KLHL1: variants seen among roughly 807,000 people sequenced by gnomAD.
The protein encoded by KLHL1 is kelch like family member 1.
KLHL1 carries 47 observed loss-of-function variants against 77.7 expected under a neutral mutation model. That is an observed-to-expected ratio of 0.60 (90% confidence interval 0.48 to 0.77). The LOEUF is 0.77. Among genes scored for constraint, KLHL1 ranks in the 30% least tolerant of loss-of-function variants. The pLI, the probability that KLHL1 is intolerant of heterozygous loss-of-function variation, is 0.00. For missense variants in KLHL1, 925 were observed against 910.8 expected, an observed-to-expected ratio of 1.02 and a Z score of -0.20; for synonymous variants, 360 against 325.2, an observed-to-expected ratio of 1.11 and a Z score of -1.15.
chr13:69,985,464 G>C (rs1224643174), intron 1 of KLHL1, among the ~76,000 whole-genome samples: 1 of 151,724 alleles, frequency 6.6e-6, no homozygotes, highest in East Asian at 1.9e-4. Context: ...CTGTTAGAAT[G>C]GTTGTTATCA....
At chr13:69,810,073 CA>C in intron 6 of KLHL1, among the ~76,000 whole-genome samples, 1 of 152,218 alleles carries the variant, frequency 6.6e-6, no homozygotes, top group East Asian at 1.9e-4. Flanking sequence ...AAGACTTTGA[CA>C]GCCACAAAGT....
At chr13:69,897,631 C>G (rs1489051403) in intron 4 of KLHL1, among the ~76,000 whole-genome samples, 7 of 152,224 alleles carry the variant, frequency 4.6e-5, no homozygotes, top group East Asian at 1.9e-4. Context: ...CGTTGACTAC[C>G]TAAAGAGGAG....
intron 4 of KLHL1, among the ~76,000 whole-genome samples, chr13:69,904,686 TACA>T (rs1296765738): frequency 6.6e-6 from 1 of 152,184 alleles, no homozygotes; most frequent in Non-Finnish European, 1.5e-5. Flanking sequence ...AAGTAAATAA[TACA>T]ACTTTACACA....
chr13:70,056,026 T>C (rs749025786), intron 1 of KLHL1, among the ~76,000 whole-genome samples: 1 of 151,986 alleles, frequency 6.6e-6, no homozygotes, highest in African/African-American at 2.4e-5. Flanking sequence ...AGACATGCTG[T>C]GGCTAAATGG....
At chr13:69,994,912 T>G (rs1009057177) in intron 1 of KLHL1, among the ~76,000 whole-genome samples, 4 of 152,076 alleles carry the variant, frequency 2.6e-5, no homozygotes, top group African/African-American at 9.7e-5. Flanking sequence ...AGAAAACCTA[T>G]AGTGAACTTT....
intron 4 of KLHL1, among the ~76,000 whole-genome samples, chr13:69,922,421 T>G (rs184061538): frequency 2.0e-5 from 3 of 151,370 alleles, no homozygotes; most frequent in African/African-American, 7.3e-5. Flanking sequence ...AACAGGGAAA[T>G]GTGATCACAT....
intron 7 of KLHL1, among the ~76,000 whole-genome samples, chr13:69,788,291 G>T (rs1418405033): frequency 6.6e-6 from 1 of 152,192 alleles, no homozygotes; most frequent in East Asian, 1.9e-4. Flanking sequence ...ACTGGATTAA[G>T]AAAATATGGC....
intron 7 of KLHL1, among the ~76,000 whole-genome samples, chr13:69,778,027 T>G (rs2137995869): frequency 6.6e-6 from 1 of 151,884 alleles, no homozygotes; most frequent in South Asian, 2.1e-4. Flanking sequence ...TATTAAAAAT[T>G]AAGATAATTA....
At chr13:69,998,491 G>T (rs928199321) in intron 1 of KLHL1, among the ~76,000 whole-genome samples, 1 of 152,046 alleles carries the variant, frequency 6.6e-6, no homozygotes, top group Non-Finnish European at 1.5e-5. Flanking sequence ...CTTAGAATAT[G>T]TACATCCGCA....
intron 6 of KLHL1, among the ~76,000 whole-genome samples, chr13:69,801,074 C>T (rs1311835819): frequency 2.0e-5 from 3 of 152,112 alleles, no homozygotes; most frequent in Non-Finnish European, 4.4e-5. Context: ...CTAAAGCCCT[C>T]GATGGACCAC....
intron 7 of KLHL1, among the ~76,000 whole-genome samples, chr13:69,755,538 C>G (rs1345519803): frequency 6.6e-6 from 1 of 151,996 alleles, no homozygotes; most frequent in East Asian, 1.9e-4. Context: ...ATACAAGCTT[C>G]TACTTTATAT....
At chr13:70,103,385 A>C (rs1305159739) in intron 1 of KLHL1, among the ~76,000 whole-genome samples, 2 of 152,176 alleles carry the variant, frequency 1.3e-5, no homozygotes, top group African/African-American at 4.8e-5. Flanking sequence ...CGTCCATAGT[A>C]TAAACTGTAA....
chr13:70,075,075 A>G (rs1440671322), intron 1 of KLHL1, among the ~76,000 whole-genome samples: 1 of 152,080 alleles, frequency 6.6e-6, no homozygotes, highest in Non-Finnish European at 1.5e-5. Context: ...GGCATACAAA[A>G]TTTATGTTAA....
At chr13:69,854,363 TGCCA>T (rs918688293) in intron 5 of KLHL1, among the ~76,000 whole-genome samples, 6 of 151,658 alleles carry the variant, frequency 4.0e-5, no homozygotes, top group Non-Finnish European at 7.4e-5. Flanking sequence ...AGCATGGAGG[TGCCA>T]GGCTGTTTTT....
At chr13:69,797,066 C>T (rs1877140452) in intron 6 of KLHL1, 104 bp from the exon 7 acceptor site, 2 of 900,752 alleles carry the variant, frequency 2.2e-6, no homozygotes, top group Non-Finnish European at 3.4e-6. Flanking sequence ...TTGTCATATT[C>T]ATTTTTTTTA....
chr13:69,772,615 C>T (rs573575483), intron 7 of KLHL1, among the ~76,000 whole-genome samples: 8 of 152,256 alleles, frequency 5.3e-5, no homozygotes, highest in Admixed American at 3.9e-4. Context: ...TGTTGATCAA[C>T]ACTAATTCTC....
intron 4 of KLHL1, among the ~76,000 whole-genome samples, chr13:69,918,841 T>C (rs1014080213): frequency 6.6e-6 from 1 of 152,144 alleles, no homozygotes; most frequent in Non-Finnish European, 1.5e-5. Context: ...ATTAATTACA[T>C]TCTCCTCTCC....
At chr13:69,900,338 A>C (rs1269584231) in intron 4 of KLHL1, among the ~76,000 whole-genome samples, 1 of 152,180 alleles carries the variant, frequency 6.6e-6, no homozygotes, top group African/African-American at 2.4e-5. Flanking sequence ...ACCAGCTTTG[A>C]ATATACCTCA....
At chr13:70,069,984 C>A (rs1464435796) in intron 1 of KLHL1, among the ~76,000 whole-genome samples, 1 of 151,710 alleles carries the variant, frequency 6.6e-6, no homozygotes, top group African/African-American at 2.4e-5. Context: ...CTGGCTAACA[C>A]GGTGAAACCC....
Sources: allele counts gnomAD v4.1 joint callset (sites outside exome capture counted in the v4.1 genomes callset), GRCh38; gene constraint gnomAD v4.1.1; transcripts MANE v1.5; gene names NCBI Gene and HGNC (gene_info 2026-07-23, HGNC 2026-07-21).